LSAMP: variants seen among roughly 807,000 people sequenced by gnomAD.
LSAMP encodes limbic system-associated membrane protein.
In LSAMP, 7 loss-of-function variants were observed where a neutral mutation model predicts 38.6. The ratio of observed to expected loss-of-function variants is 0.18; its 90% CI spans 0.10 to 0.34. The LOEUF is 0.34. LSAMP is among the 10% of genes least tolerant of loss of function. LSAMP has a pLI of 1.00. For synonymous variants in LSAMP, 154 were observed against 166.8 expected (o/e 0.92, Z 0.59); for missense variants, 313 against 420.0 (o/e 0.75, Z 2.23).
chr3:116,366,404 T>A (rs148928827), intron 1 of LSAMP, among the ~76,000 whole-genome samples: 116 of 152,304 alleles, frequency 7.6e-4, no homozygotes, highest in Middle Eastern at 3.4e-3. Flanking sequence ...AAGGCCAAGA[T>A]TGATAGGCAA....
At chr3:115,973,394 C>T (rs937504814) in intron 3 of LSAMP, among the ~76,000 whole-genome samples, 1 of 152,100 alleles carries the variant, frequency 6.6e-6, no homozygotes, top group African/African-American at 2.4e-5. Flanking sequence ...TTTGCATATA[C>T]ATAATGAGAT....
At chr3:115,939,329 G>A (rs1233634379) in intron 3 of LSAMP, among the ~76,000 whole-genome samples, 1 of 151,990 alleles carries the variant, frequency 6.6e-6, no homozygotes, top group African/African-American at 2.4e-5. Flanking sequence ...CCTCATCTAG[G>A]GATGCAGCAT....
intron 1 of LSAMP, among the ~76,000 whole-genome samples, chr3:116,188,226 A>C (rs1049481053): frequency 1.3e-5 from 2 of 152,122 alleles, no homozygotes; most frequent in African/African-American, 4.8e-5. Context: ...TGCTATGTAT[A>C]AGGAAAAGCA....
chr3:116,378,002 A>C (rs2048515498), intron 1 of LSAMP, among the ~76,000 whole-genome samples: 1 of 152,052 alleles, frequency 6.6e-6, no homozygotes, highest in African/African-American at 2.4e-5. Flanking sequence ...TAGAAAGCAG[A>C]GCCATAGTCT....
At chr3:116,101,170 T>G (rs1015972509) in intron 1 of LSAMP, among the ~76,000 whole-genome samples, 4 of 152,210 alleles carry the variant, frequency 2.6e-5, no homozygotes, top group African/African-American at 7.2e-5. Flanking sequence ...ATCTCACATT[T>G]ATAAGAGTGT....
At chr3:115,957,197 C>A (rs533985016) in intron 3 of LSAMP, among the ~76,000 whole-genome samples, 1 of 152,052 alleles carries the variant, frequency 6.6e-6, no homozygotes, top group Non-Finnish European at 1.5e-5. Context: ...AATCAAGTAC[C>A]CATAGAGGTC....
At chr3:116,089,432 A>G (rs1708068593) in intron 1 of LSAMP, among the ~76,000 whole-genome samples, 1 of 152,284 alleles carries the variant, frequency 6.6e-6, no homozygotes, top group East Asian at 1.9e-4. Flanking sequence ...ATCTCAGCTC[A>G]CTGCAAGCTC....
At chr3:116,268,340 C>T (rs1031586473) in intron 1 of LSAMP, among the ~76,000 whole-genome samples, 3 of 152,114 alleles carry the variant, frequency 2.0e-5, no homozygotes, top group Non-Finnish European at 2.9e-5. Flanking sequence ...ACCCAAATGC[C>T]TTTTATTTGC....
intron 1 of LSAMP, among the ~76,000 whole-genome samples, chr3:116,421,859 A>G (rs868629956): frequency 1.3e-5 from 2 of 152,206 alleles, no homozygotes; most frequent in African/African-American, 2.4e-5. Flanking sequence ...GTTATTTTGG[A>G]AAACAATATG....
In LSAMP at chr3:116,304,918, C is replaced by T. The variant is rs117424243; in HGVS notation, c.155+139959G>A. Among the ~76,000 whole-genome samples, 102 of 152,134 alleles carry T rather than the reference C, an allele frequency of 6.7e-4. 2 individuals carry two copies. In the East Asian group the frequency reaches 0.015, roughly 23 times the overall value. On this transcript the variant is annotated intron_variant, in intron 1 of 6. Coordinates refer to ENST00000490035, the MANE Select transcript of LSAMP (RefSeq NM_002338.5). ...TTACTTTTGTGTTTCTGAGTGATTT[C>T]CTCATGGAAGAAAAGGACGAAAGTC...
Position 115,843,790 on chromosome 3 carries a change from T to A in LSAMP, c.650-1212A>T, listed in dbSNP as rs560308604. Among the ~76,000 whole-genome samples, 3 of 152,338 alleles carry A rather than the reference T, an allele frequency of 2.0e-5. No homozygotes were observed. The East Asian group carries it at 5.8e-4, about 29-fold the overall frequency. On this transcript the variant is annotated intron_variant, in intron 4 of 6. Transcript: ENST00000490035. ...TGTACGAGAAAGCATCTGATTTGTC[T>A]GCAATTTCCTTCCTGATTTTATCTT...
At chr3:115,816,648 T>G (rs941373885) in intron 6 of LSAMP, 2 of 1,285,622 alleles carry the variant, frequency 1.6e-6, no homozygotes, top group Non-Finnish European at 2.0e-6. Flanking sequence ...TACCAATTTC[T>G]AAAATAAGAA....
chr3:116,238,567 C>T (rs992831237), intron 1 of LSAMP, among the ~76,000 whole-genome samples: 1 of 152,084 alleles, frequency 6.6e-6, no homozygotes, highest in Non-Finnish European at 1.5e-5. Context: ...GCAATATATC[C>T]AGGAAGGGAG....
intron 1 of LSAMP, among the ~76,000 whole-genome samples, chr3:116,120,216 A>T (rs1225163345): frequency 1.3e-5 from 2 of 152,218 alleles, no homozygotes; most frequent in African/African-American, 4.8e-5. Context: ...AGGTATCTTG[A>T]TGGACCAAAG....
chr3:115,845,875 G>A (rs940042256), intron 4 of LSAMP, among the ~76,000 whole-genome samples: 1 of 152,222 alleles, frequency 6.6e-6, no homozygotes, highest in African/African-American at 2.4e-5. Context: ...ACTTACAAGT[G>A]CATTAATCTA....
intron 3 of LSAMP, among the ~76,000 whole-genome samples, chr3:115,919,893 C>G (rs536501985): frequency 6.6e-6 from 1 of 152,266 alleles, no homozygotes; most frequent in Non-Finnish European, 1.5e-5. Flanking sequence ...AGGCGTGAGC[C>G]ACCCACCGTG....
At chr3:116,211,979 C>T (rs114330061) in intron 1 of LSAMP, among the ~76,000 whole-genome samples, 259 of 152,270 alleles carry the variant, frequency 1.7e-3, no homozygotes, top group South Asian at 6.4e-3. Context: ...ACTGTGCTTC[C>T]ATTCATGTAA....
intron 3 of LSAMP, among the ~76,000 whole-genome samples, chr3:115,865,977 C>A (rs1935846534): frequency 6.6e-6 from 1 of 152,106 alleles, no homozygotes; most frequent in African/African-American, 2.4e-5. Context: ...ATTCAGTCTC[C>A]ATTTGTTGGG....
intron 1 of LSAMP, among the ~76,000 whole-genome samples, chr3:116,342,530 C>T (rs527586175): frequency 8.5e-5 from 13 of 152,166 alleles, no homozygotes; most frequent in South Asian, 2.1e-4. Flanking sequence ...CTCTGTTCAA[C>T]GGATGAGGAA....
Sources: gnomAD v4.1 joint callset for allele counts (sites outside exome capture counted in the v4.1 genomes callset) on GRCh38, gnomAD v4.1.1 for gene constraint, MANE v1.5 for transcripts, NCBI Gene and HGNC (gene_info 2026-07-23, HGNC 2026-07-21) for gene names.